BTC: variants seen among roughly 807,000 people sequenced by gnomAD.
BTC encodes the protein probetacellulin.
Under a neutral mutation model 18.1 loss-of-function variants are expected in BTC, and 13 were observed. The observed-to-expected ratio is 0.72, with a 90% CI of 0.47 to 1.14. The LOEUF (loss-of-function observed/expected upper bound fraction) is 1.14, where lower values mean the gene tolerates loss of function less well. BTC is among the 50% of genes most tolerant of loss of function. The probability of loss-of-function intolerance (pLI) is 0.00; values close to 1 mark genes in which losing one functional copy is unlikely to be tolerated. For synonymous variants in BTC, 83 were observed against 79.4 expected (o/e 1.05, Z -0.24); for missense variants, 247 against 224.2 (o/e 1.10, Z -0.65).
At chr4:74,771,287 G>A (rs982043211) in intron 1 of BTC, among the ~76,000 whole-genome samples, 1 of 152,126 alleles carries the variant, frequency 6.6e-6, no homozygotes, top group African/African-American at 2.4e-5. Flanking sequence ...ACACGGTGCT[G>A]GTAGGTAATC....
chr4:74,775,925 G>A (rs150887038), intron 1 of BTC, among the ~76,000 whole-genome samples: 132 of 152,146 alleles, frequency 8.7e-4, no homozygotes, highest in African/African-American at 2.7e-3. Flanking sequence ...AAGCCTTGTC[G>A]TCCTGTCCTA....
chr4:74,780,553 A>G (rs920686036), intron 1 of BTC, among the ~76,000 whole-genome samples: 4 of 152,190 alleles, frequency 2.6e-5, no homozygotes, highest in African/African-American at 9.6e-5. Context: ...CAATGTTACA[A>G]ATAACTATCT....
chr4:74,792,284 A>T (rs1725653749), intron 1 of BTC, among the ~76,000 whole-genome samples: 1 of 152,174 alleles, frequency 6.6e-6, no homozygotes, highest in Non-Finnish European at 1.5e-5. Flanking sequence ...ATAGCACTGG[A>T]TTCGAGTTTT....
chr4:74,749,418 C>T (rs1287747315), intron 4 of BTC, among the ~76,000 whole-genome samples: 1 of 151,366 alleles, frequency 6.6e-6, no homozygotes, highest in Non-Finnish European at 1.5e-5. Flanking sequence ...AAGATCACGC[C>T]GTTGCAGTGA....
intron 1 of BTC, among the ~76,000 whole-genome samples, chr4:74,778,369 A>G (rs1390658225): frequency 6.6e-6 from 1 of 152,176 alleles, no homozygotes; most frequent in Non-Finnish European, 1.5e-5. Context: ...GCAGAACCTA[A>G]TGTACAGACT....
chr4:74,765,882 G>GT (rs1724888761), intron 2 of BTC, among the ~76,000 whole-genome samples: 3 of 152,186 alleles, frequency 2.0e-5, no homozygotes, highest in African/African-American at 4.8e-5. Flanking sequence ...TTATTAGGCA[G>GT]TTTTTTCATT....
In BTC at chr4:74,758,425, C is replaced by T. The variant is rs374935115; in HGVS notation, c.164-2449G>A. Among the ~76,000 whole-genome samples the T allele has an allele frequency of 7.9e-5, 12 of 152,024 alleles. 1 individual carries two copies. The highest frequency in any genetic ancestry group is 1.9e-4 in the African/African-American group (8 of 41,454). On this transcript the variant is annotated intron_variant, in intron 2 of 5. Coordinates refer to ENST00000395743, the MANE Select transcript of BTC (RefSeq NM_001729.4). Reference sequence around the variant, plus strand: ...AGTGGGGGCAAAGAGAAAACCAGGGCGGACACATACAATGTGAGTCTGGGC... The same window carrying T: ...AGTGGGGGCAAAGAGAAAACCAGGGTGGACACATACAATGTGAGTCTGGGC...
intron 1 of BTC, among the ~76,000 whole-genome samples, chr4:74,788,763 C>T (rs1042430566): frequency 6.6e-6 from 1 of 152,158 alleles, no homozygotes; most frequent in Non-Finnish European, 1.5e-5. Flanking sequence ...TTGCTAATTG[C>T]GATAGTCAGC....
intron 1 of BTC, among the ~76,000 whole-genome samples, chr4:74,770,465 C>T (rs1725008538): frequency 6.6e-6 from 1 of 152,150 alleles, no homozygotes; most frequent in African/African-American, 2.4e-5. Context: ...AATTCCCAGT[C>T]CCTGAGTGAA....
chr4:74,782,991 G>A (rs1028675062), intron 1 of BTC, among the ~76,000 whole-genome samples: 2 of 152,106 alleles, frequency 1.3e-5, no homozygotes, highest in Non-Finnish European at 2.9e-5. Context: ...TGTAGATTCT[G>A]GATATTAGAC....
At chr4:74,777,736 T>A (rs554750171) in intron 1 of BTC, among the ~76,000 whole-genome samples, 1 of 152,270 alleles carries the variant, frequency 6.6e-6, no homozygotes, top group East Asian at 1.9e-4. Context: ...ACCATTTATG[T>A]CAGTTGGGAT....
In BTC at chr4:74,772,248, C is replaced by T. The variant is rs778739103; in HGVS notation, c.65-2092G>A. Among the ~76,000 whole-genome samples the T allele has an allele frequency of 2.0e-5, 3 of 152,014 alleles. 1 individual carries two copies. The highest frequency in any genetic ancestry group is 4.4e-5 in the Non-Finnish European group (3 of 67,968). On this transcript the variant is annotated intron_variant, in intron 1 of 5. Coordinates refer to ENST00000395743, the MANE Select transcript of BTC (RefSeq NM_001729.4). Reference sequence around the variant, plus strand: ...TAAAAGCACATTTTATCTGTTGCAACAAGAAAAAAGGAGTGACTCATGTAT... The same window carrying T: ...TAAAAGCACATTTTATCTGTTGCAATAAGAAAAAAGGAGTGACTCATGTAT...
At chr4:74,751,604 G>A (rs1056904543) in intron 3 of BTC, among the ~76,000 whole-genome samples, 1 of 152,048 alleles carries the variant, frequency 6.6e-6, no homozygotes, top group East Asian at 1.9e-4. Flanking sequence ...ATAAACAGAT[G>A]TCCTTAATCT....
intron 5 of BTC, among the ~76,000 whole-genome samples, chr4:74,747,243 A>C (rs1204327634): frequency 6.6e-6 from 1 of 152,138 alleles, no homozygotes; most frequent in Non-Finnish European, 1.5e-5. Context: ...TGTCTCCAGG[A>C]GACTGGCCAC....
At chr4:74,748,013 T>G in intron 5 of BTC, 27 bp downstream of exon 5, 1 of 1,369,438 alleles carries the variant, frequency 7.3e-7, no homozygotes, top group Non-Finnish European at 1.0e-6. Context: ...CTGAATAGTT[T>G]TCTATCAGCA....
At chr4:74,760,550 A>C (rs1553957194) in intron 2 of BTC, among the ~76,000 whole-genome samples, 1 of 152,216 alleles carries the variant, frequency 6.6e-6, no homozygotes, top group African/African-American at 2.4e-5. Flanking sequence ...GTCCTTGAAG[A>C]AATACAAACT....
At position 74,770,138 on chromosome 4, in the gene BTC, C is replaced by T; in HGVS notation, c.83G>A (p.Cys28Tyr). ...ALALGLVILH[C>Y]VVADGNSTRS... ...GGTGGAATTCCCATCTGCCACCACA[C>T]AGTGAAGGATCACTAGACCTTCAAA... The change falls in exon 2 of 6, where the codon TGT (cysteine) becomes TAT (tyrosine). Residue 28 changes from cysteine to tyrosine, a missense_variant. By Grantham distance (194) the Cys-to-Tyr change is radical. Transcript: ENST00000395743. 1 of 1,612,796 alleles carries T rather than the reference C, an allele frequency of 6.2e-7. No individual in the cohort carries two copies. Among genetic ancestry groups the T allele is most frequent in the East Asian group, 2.2e-5 (1 of 44,812 alleles).
At position 74,755,958 on chromosome 4, in the gene BTC, T is replaced by C. The variant is rs201123135; in HGVS notation, c.182A>G (p.Lys61Arg). The stretch of plus-strand genomic sequence containing the variant: ...GCACCTAGAGAAGTGGCCTTTCCGC[T>C]TTGATTGTGTGGTGGTAGCTGGAAA... Reference protein sequence around the residue: ...ENCAATTTQSKRKGHFSRCPK... With the variant: ...ENCAATTTQSRRKGHFSRCPK... Residue 61 changes from lysine to arginine, a missense_variant, in exon 3 of 6, where the codon AAG becomes AGG. Transcript: ENST00000395743. 1.1e-5 allele frequency: 17 copies of C among 1,614,148 alleles called. No homozygotes were observed. Among genetic ancestry groups the C allele is most frequent in the Non-Finnish European group, 1.2e-5 (14 of 1,179,990 alleles).
intron 2 of BTC, among the ~76,000 whole-genome samples, chr4:74,759,722 G>C (rs1007336657): frequency 2.7e-4 from 41 of 151,680 alleles, no homozygotes; most frequent in African/African-American, 9.9e-4. Flanking sequence ...TAACTCTAAG[G>C]GTTTGCAAAA....
Sources: allele counts gnomAD v4.1 joint callset (sites outside exome capture counted in the v4.1 genomes callset), GRCh38; gene constraint gnomAD v4.1.1; transcripts MANE v1.5; gene names NCBI Gene and HGNC (gene_info 2026-07-23, HGNC 2026-07-21).